Variants in UNC13C observed in about 807,000 individuals in gnomAD.
The protein encoded by UNC13C is unc-13 homolog C.
In UNC13C, 174 loss-of-function variants were observed where a neutral mutation model predicts 245.4. That is an observed-to-expected ratio of 0.71 (90% confidence interval 0.63 to 0.80). UNC13C has a LOEUF of 0.80. UNC13C is among the 30% of genes least tolerant of loss of function. The pLI is 0.00. For missense variants in UNC13C, 2,829 were observed against 2,602.9 expected (o/e 1.09, Z -1.89); for synonymous variants, 992 against 895.1 (o/e 1.11, Z -1.93).
chr15:54,055,642 G>C (rs965374782), intron 2 of UNC13C, among the ~76,000 whole-genome samples: 33 of 152,232 alleles, frequency 2.2e-4, no homozygotes, highest in African/African-American at 7.7e-4. Flanking sequence ...ACTTCTCCGG[G>C]TTGTTTCATA....
chr15:54,012,234 T>A (rs533220444), intron 1 of UNC13C, among the ~76,000 whole-genome samples: 1 of 152,304 alleles, frequency 6.6e-6, no homozygotes, highest in Non-Finnish European at 1.5e-5. Flanking sequence ...GAATTTTGAA[T>A]ATCTTGGATG....
At chr15:54,626,468 G>A (rs567832367) in intron 32 of UNC13C, among the ~76,000 whole-genome samples, 7 of 150,076 alleles carry the variant, frequency 4.7e-5, no homozygotes, top group African/African-American at 1.7e-4. Flanking sequence ...TAAAGTGCGA[G>A]TAGTAACTGA....
intron 17 of UNC13C, among the ~76,000 whole-genome samples, chr15:54,362,625 C>T (rs1182677308): frequency 6.6e-6 from 1 of 152,146 alleles, no homozygotes; most frequent in African/African-American, 2.4e-5. Context: ...ACATCACTTT[C>T]AGATATATAC....
intron 4 of UNC13C, among the ~76,000 whole-genome samples, chr15:54,231,018 T>C (rs2035536066): frequency 6.6e-6 from 1 of 152,112 alleles, no homozygotes; most frequent in African/African-American, 2.4e-5. Context: ...GTCTTCAGTT[T>C]TTTATCCTGT....
intron 4 of UNC13C, among the ~76,000 whole-genome samples, chr15:54,219,123 A>C (rs1163398110): frequency 6.6e-6 from 1 of 152,158 alleles, no homozygotes; most frequent in African/African-American, 2.4e-5. Context: ...GGAACCAAAA[A>C]AGAGACCGCA....
chr15:54,336,314 T>C (rs547694391), intron 16 of UNC13C, among the ~76,000 whole-genome samples: 1 of 152,214 alleles, frequency 6.6e-6, no homozygotes, highest in East Asian at 1.9e-4. Context: ...AAAATCTACT[T>C]TCTTGCATTC....
intron 30 of UNC13C, among the ~76,000 whole-genome samples, chr15:54,576,147 A>G (rs1897948422): frequency 1.3e-5 from 2 of 152,214 alleles, no homozygotes; most frequent in Non-Finnish European, 2.9e-5. Flanking sequence ...CAAGACCAGT[A>G]ACATTCTCCA....
At chr15:54,117,527 C>A (rs2030343441) in intron 2 of UNC13C, among the ~76,000 whole-genome samples, 1 of 88,054 alleles carries the variant, frequency 1.1e-5, no homozygotes, top group African/African-American at 5.2e-5. Context: ...TTATGTTTCT[C>A]TCTCTCTCTC....
chr15:54,252,822 C>G (rs1225394086), intron 8 of UNC13C, among the ~76,000 whole-genome samples: 1 of 152,144 alleles, frequency 6.6e-6, no homozygotes, highest in Non-Finnish European at 1.5e-5. Context: ...AATGGCCATT[C>G]AATCTCGTAA....
intron 8 of UNC13C, among the ~76,000 whole-genome samples, chr15:54,261,219 C>T (rs1034796477): frequency 1.3e-5 from 2 of 152,162 alleles, no homozygotes; most frequent in African/African-American, 2.4e-5. Context: ...TTCTACCACA[C>T]GCTTTGAAGA....
rs776565395 is a variant in UNC13C at position 54,393,058 on chromosome 15, A to G, written c.4724A>G (p.Gln1575Arg). Residue 1575 changes from glutamine (Q) to arginine (R), a missense_variant, in exon 18 of 33, where the codon CAG (glutamine) becomes CGG (arginine). Physicochemically the swap from Gln to Arg is conservative, Grantham distance 43. Coordinates refer to ENST00000260323, the MANE Select transcript of UNC13C (RefSeq NM_001080534.3). ...TGAACTTGTGAGCAGAGTAAGAAAC[A>G]GGATATTCCTCGTGAAGATCAGGGA... The part of the protein sequence containing the change: ...YSQLTDPSKK[Q>R]DIPREDQGPT... The G allele has an allele frequency of 1.2e-6, 2 of 1,603,056 alleles. No individual in the cohort carries two copies. Among genetic ancestry groups the G allele is most frequent in the East Asian group, 2.2e-5 (1 of 44,686 alleles).
intron 4 of UNC13C, among the ~76,000 whole-genome samples, chr15:54,149,772 C>A (rs1304790945): frequency 1.3e-5 from 2 of 152,186 alleles, no homozygotes; most frequent in Non-Finnish European, 1.5e-5. Flanking sequence ...ATTCAAACAG[C>A]TGTTGATTGA....
At chr15:54,348,536 G>A (rs1228219824) in intron 17 of UNC13C, among the ~76,000 whole-genome samples, 1 of 152,078 alleles carries the variant, frequency 6.6e-6, no homozygotes, top group Non-Finnish European at 1.5e-5. Context: ...AATGTGATAT[G>A]TATACCACAA....
chr15:54,368,545 C>A (rs1165119714), intron 17 of UNC13C, among the ~76,000 whole-genome samples: 1 of 151,548 alleles, frequency 6.6e-6, no homozygotes, highest in Non-Finnish European at 1.5e-5. Flanking sequence ...CCAATGAGCC[C>A]CCGAGAAACC....
intron 30 of UNC13C, among the ~76,000 whole-genome samples, chr15:54,569,905 C>A (rs765566572): frequency 6.6e-6 from 1 of 151,928 alleles, no homozygotes; most frequent in Non-Finnish European, 1.5e-5. Context: ...TTATTTCCAC[C>A]TCCTCCAGCC....
At chr15:54,116,579 T>G (rs2030264846) in intron 2 of UNC13C, among the ~76,000 whole-genome samples, 1 of 152,162 alleles carries the variant, frequency 6.6e-6, no homozygotes, top group African/African-American at 2.4e-5. Flanking sequence ...ACTTCCAGTT[T>G]CATCCATATT....
chr15:53,957,883 G>A, the UNC13C span, among the ~76,000 whole-genome samples: 2 of 152,258 alleles, frequency 1.3e-5, no homozygotes, highest in South Asian at 2.1e-4. Flanking sequence ...ATAGTCTAGA[G>A]GTTAACAGAG....
At chr15:54,400,323 T>G (rs2040156341) in intron 18 of UNC13C, among the ~76,000 whole-genome samples, 1 of 152,040 alleles carries the variant, frequency 6.6e-6, no homozygotes, top group African/African-American at 2.4e-5. Context: ...TTGCATATGG[T>G]TATTATGTGT....
intron 30 of UNC13C, among the ~76,000 whole-genome samples, chr15:54,587,488 T>C (rs1299389752): frequency 6.6e-6 from 1 of 152,224 alleles, no homozygotes; most frequent in African/African-American, 2.4e-5. Context: ...AGAGATATGA[T>C]AGTTTAAAAG....
Sources: allele counts gnomAD v4.1 joint callset (sites outside exome capture counted in the v4.1 genomes callset), GRCh38; gene constraint gnomAD v4.1.1; transcripts MANE v1.5; gene names NCBI Gene and HGNC (gene_info 2026-07-23, HGNC 2026-07-21).